HSPA4: variants seen among roughly 807,000 people sequenced by gnomAD.
HSPA4 encodes the protein heat shock 70 kDa protein 4.
HSPA4 carries 25 observed loss-of-function variants against 106.2 expected under a neutral mutation model. The observed-to-expected ratio is 0.24, with a 90% CI of 0.17 to 0.33. The LOEUF is 0.33. Ranked by LOEUF, HSPA4 falls within the 10% of genes least tolerant of loss-of-function variation. The pLI is 1.00. For synonymous variants in HSPA4, 332 were observed against 333.6 expected, an observed-to-expected ratio of 1.00 and a Z score of 0.05; for missense variants, 841 against 996.0, an observed-to-expected ratio of 0.84 and a Z score of 2.10.
chr5:133,066,199 T>C (rs888998482), intron 2 of HSPA4, among the ~76,000 whole-genome samples: 4 of 152,168 alleles, frequency 2.6e-5, no homozygotes, highest in Non-Finnish European at 4.4e-5. Flanking sequence ...GATACAGTTA[T>C]TGTGTTACAG....
At chr5:133,066,164 T>G (rs1486611477) in intron 2 of HSPA4, among the ~76,000 whole-genome samples, 1 of 152,242 alleles carries the variant, frequency 6.6e-6, no homozygotes, top group Non-Finnish European at 1.5e-5. Flanking sequence ...GTTACTATAC[T>G]AAACTGGCTG....
At chr5:133,103,480 T>G (rs1765815851) in intron 17 of HSPA4, among the ~76,000 whole-genome samples, 1 of 152,152 alleles carries the variant, frequency 6.6e-6, no homozygotes, top group Non-Finnish European at 1.5e-5. Context: ...GTCAAAGGCC[T>G]TCTTTTAAAA....
chr5:133,067,500 A>G lies in HSPA4; in HGVS notation c.249A>G (p.Glu83=). 1.2e-6 allele frequency: 2 copies of G among 1,614,058 alleles called. No individual in the cohort carries two copies. Among genetic ancestry groups the G allele is most frequent in the South Asian group, 2.2e-5 (2 of 91,082 alleles). ...TCTCTGATCCATTTGTGGAGGCAGA[A>G]AAATCTAACCTTGCATATGATATTG... ...RAFSDPFVEA[E]KSNLAYDIVQ... The change falls in exon 3 of 19, where the codon GAA becomes GAG. Residue 83 remains glutamate (E), a synonymous_variant. Transcript: ENST00000304858.
At chr5:133,093,057 C>A (rs1765670146) in intron 13 of HSPA4, among the ~76,000 whole-genome samples, 1 of 149,156 alleles carries the variant, frequency 6.7e-6, no homozygotes, top group Non-Finnish European at 1.5e-5. Context: ...TCTCGAACTT[C>A]TGACCTCAGG....
At position 133,104,361 on chromosome 5, in the gene HSPA4, G is replaced by T; in HGVS notation, c.2448G>T (p.Gln816His). The T allele has an allele frequency of 6.2e-7, 1 of 1,614,172 alleles. No homozygotes were observed. The change falls in exon 19 of 19, where the codon CAG becomes CAT. Residue 816 changes from glutamine to histidine, a missense_variant. Coordinates refer to ENST00000304858, the MANE Select transcript of HSPA4 (RefSeq NM_002154.4). ...VDGQGDNPGP[Q>H]AAEQGTDTAV... ...GACAAGGAGACAACCCAGGCCCCCA[G>T]GCTGCTGAGCAGGGTACAGACACAG...
At chr5:133,068,498 C>T (rs1224458039) in intron 3 of HSPA4, among the ~76,000 whole-genome samples, 1 of 151,592 alleles carries the variant, frequency 6.6e-6, no homozygotes, top group Admixed American at 6.6e-5. Context: ...TTTTGGAGGC[C>T]AAGAATCAGG....
At chr5:133,089,723 GAAA>G (rs61130801) in intron 11 of HSPA4, 28 bp downstream of exon 11, 114 of 1,029,814 alleles carry the variant, frequency 1.1e-4, no homozygotes, top group South Asian at 1.9e-4. Flanking sequence ...AATTAAAAAA[GAAA>G]AAAAAAAAAA....
In HSPA4 at chr5:133,101,896, C is replaced by G; in HGVS notation, c.2157+18C>G. ...AAAACAAGGTAACTTTTTTCTTTGT[C>G]CTACTCTTATTTTAGTAAAGTTAAC... is the stretch of plus-strand genomic sequence containing the variant. On this transcript the variant is annotated intron_variant, in intron 17 of 18. Coordinates refer to ENST00000304858, the MANE Select transcript of HSPA4 (RefSeq NM_002154.4). 1 of 1,453,190 alleles carries G rather than the reference C, an allele frequency of 6.9e-7. No homozygotes were observed. The allele number at this position is 1,453,190 out of a possible 1,614,324, so 90.0% of individuals were successfully genotyped here. A position where few individuals can be genotyped will look rare whatever the true frequency, so the allele number is the denominator to read the frequency against.
chr5:133,054,864 G>A (rs899468664), intron 1 of HSPA4, among the ~76,000 whole-genome samples: 1 of 152,180 alleles, frequency 6.6e-6, no homozygotes, highest in Non-Finnish European at 1.5e-5. Context: ...AATGTATTTA[G>A]TGTTTTGGTC....
intron 15 of HSPA4, among the ~76,000 whole-genome samples, chr5:133,099,003 T>A (rs1765750263): frequency 6.6e-6 from 1 of 152,156 alleles, no homozygotes; most frequent in Admixed American, 6.5e-5. Context: ...TATTCTGAAA[T>A]TTTTTAACTT....
chr5:133,082,194 T>C lies in HSPA4; in HGVS notation c.909-4588T>C, dbSNP rs1409464604. ...AAAGGCCACATTTTGTATGATTCTA[T>C]TTATATGAAATGCCCCGAATTGGCA... On this transcript the variant is annotated intron_variant, in intron 7 of 18. Transcript: ENST00000304858. Among the ~76,000 whole-genome samples, 3 of 152,238 alleles carry C rather than the reference T, an allele frequency of 2.0e-5. No individual in the cohort carries two copies. In the East Asian group the frequency reaches 5.8e-4, roughly 29 times the overall value.
At position 133,104,439 on chromosome 5, in the gene HSPA4, C is replaced by A; in HGVS notation, c.*3C>A. On this transcript the variant is annotated 3_prime_UTR_variant, in exon 19 of 19. Coordinates refer to ENST00000304858, the MANE Select transcript of HSPA4 (RefSeq NM_002154.4). Reference sequence around the variant, plus strand: ...TTCCTGAAATGGACATTGATTGATTCCAACACTTGTTTCTATTAAAACAGA... The same window carrying A: ...TTCCTGAAATGGACATTGATTGATTACAACACTTGTTTCTATTAAAACAGA... The A allele has an allele frequency of 6.2e-7, 1 of 1,612,096 alleles. No homozygotes were observed. The highest frequency in any genetic ancestry group is 8.5e-7 in the Non-Finnish European group (1 of 1,178,292).
intron 4 of HSPA4, 42 bp downstream of exon 4, chr5:133,070,538 A>G (rs200619644): frequency 1.4e-5 from 22 of 1,603,998 alleles, no homozygotes; most frequent in Non-Finnish European, 1.9e-5. Flanking sequence ...TTGCATGAAG[A>G]AGCAGAGAGA....
intron 9 of HSPA4, 142 bp downstream of exon 9, chr5:133,088,697 TG>T (rs1244669202): frequency 1.0e-5 from 7 of 668,326 alleles, no homozygotes; most frequent in Non-Finnish European, 1.8e-5. Context: ...AAAATAGAGG[TG>T]ATGTTCCTAA....
At chr5:133,096,443 A>G (rs1012426950) in intron 14 of HSPA4, among the ~76,000 whole-genome samples, 193 bp downstream of exon 14, 1 of 152,228 alleles carries the variant, frequency 6.6e-6, no homozygotes, top group African/African-American at 2.4e-5. Context: ...TTATGGTGGT[A>G]CTAAGATGTC....
chr5:133,083,319 C>CG (rs1414117801), intron 7 of HSPA4, among the ~76,000 whole-genome samples: 4 of 151,886 alleles, frequency 2.6e-5, no homozygotes, highest in East Asian at 3.9e-4. Flanking sequence ...CTCAAAAAAA[C>CG]AAACAAACCC....
chr5:133,091,242 A>G lies in HSPA4; in HGVS notation c.1428A>G (p.Ser476=), dbSNP rs528221895. 1 of 1,614,120 alleles carries G rather than the reference A, an allele frequency of 6.2e-7. No individual in the cohort carries two copies. Among genetic ancestry groups the G allele is most frequent in the East Asian group, 2.2e-5 (1 of 44,888 alleles). ...KVTPQSDGSS[S]KVKVKVRVNV... ...CTCCTCAGTCTGATGGCTCCAGTTCAAAAGTGAAAGTCAAAGTTCGAGTAA... is the reference window on the plus strand; with the variant it reads ...CTCCTCAGTCTGATGGCTCCAGTTCGAAAGTGAAAGTCAAAGTTCGAGTAA... The change falls in exon 12 of 19, where the codon TCA becomes TCG. Residue 476 remains serine, a synonymous_variant. Coordinates refer to ENST00000304858, the MANE Select transcript of HSPA4 (RefSeq NM_002154.4).
At position 133,096,203 on chromosome 5, in the gene HSPA4, T is replaced by A. The variant is rs764692523; in HGVS notation, c.1756T>A (p.Leu586Ile). 14 of 1,613,960 alleles carry A rather than the reference T, an allele frequency of 8.7e-6. No homozygotes were observed. Among genetic ancestry groups the A allele is most frequent in the Non-Finnish European group, 1.2e-5 (14 of 1,179,860 alleles). Reference protein sequence around the residue: ...TVDLPIENQLLWQIDREMLNL... With the variant: ...TVDLPIENQLIWQIDREMLNL... The stretch of plus-strand genomic sequence containing the variant: ...GGACCTGCCAATCGAGAATCAGCTA[T>A]TATGGCAGATAGACAGAGAGATGCT... Residue 586 changes from leucine to isoleucine, a missense_variant, in exon 14 of 19, where the codon TTA becomes ATA. By Grantham distance (5) the Leu-to-Ile change is conservative (BLOSUM62 2). Coordinates refer to ENST00000304858, the MANE Select transcript of HSPA4 (RefSeq NM_002154.4).
chr5:133,089,088 G>A lies in HSPA4; in HGVS notation c.1171G>A (p.Glu391Lys). Residue 391 changes from glutamate (E) to lysine (K), a missense_variant, in exon 10 of 19, where the codon GAA (glutamate) becomes AAA (lysine). Around this residue, in one of 5 missense-constraint regions of HSPA4, gnomAD observed 162 missense variants for 177.7 expected, o/e 0.91. Coordinates refer to ENST00000304858, the MANE Select transcript of HSPA4 (RefSeq NM_002154.4). ...CTTATCGCCTGCTTTCAAAGTCAGA[G>A]AATTTTCTATCACTGATGTAGTACC... The part of the protein sequence containing the change: ...AILSPAFKVR[E>K]FSITDVVPYP... 1 of 1,601,182 alleles carries A rather than the reference G, an allele frequency of 6.2e-7. No individual in the cohort carries two copies. The highest frequency in any genetic ancestry group is 8.5e-7 in the Non-Finnish European group (1 of 1,174,030).
Sources: allele counts gnomAD v4.1 joint callset (sites outside exome capture counted in the v4.1 genomes callset), GRCh38; gene constraint gnomAD v4.1.1; regional missense constraint gnomAD v4.1.1; transcripts MANE v1.5; gene names NCBI Gene and HGNC (gene_info 2026-07-23, HGNC 2026-07-21).